The following PARD3 variants were observed in gnomAD, a reference collection of about 807,000 sequenced individuals.
The protein encoded by PARD3 is partitioning defective 3 homolog.
Under a neutral mutation model 155.4 loss-of-function variants are expected in PARD3, and 75 were observed. That is an observed-to-expected ratio of 0.48 (90% CI 0.40 to 0.58). The LOEUF is 0.58. PARD3 is among the 20% of genes least tolerant of loss of function. The pLI is 0.00. For missense variants in PARD3, 1,642 were observed against 1,721.7 expected, an observed-to-expected ratio of 0.95 and a Z score of 0.82; for synonymous variants, 576 against 610.5, an observed-to-expected ratio of 0.94 and a Z score of 0.83.
chr10:34,370,197 GA>G (rs1840438063), intron 12 of PARD3, among the ~76,000 whole-genome samples: 1 of 151,854 alleles, frequency 6.6e-6, no homozygotes, highest in East Asian at 1.9e-4. Context: ...ACTCGTATTA[GA>G]AAAAAAAGTC....
intron 22 of PARD3, among the ~76,000 whole-genome samples, chr10:34,257,379 G>C (rs1010884030): frequency 1.4e-4 from 21 of 152,338 alleles, no homozygotes; most frequent in African/African-American, 4.8e-4. Context: ...CCATGGGTTT[G>C]TACTGTCTAA....
intron 7 of PARD3, among the ~76,000 whole-genome samples, chr10:34,395,692 C>T (rs1483953269): frequency 2.6e-5 from 2 of 78,322 alleles, no homozygotes; most frequent in Non-Finnish European, 4.3e-5. Context: ...AAAAAATTAG[C>T]CGGGCGCGGT....
At chr10:34,423,634 CTGT>C (rs2132447586) in intron 5 of PARD3, among the ~76,000 whole-genome samples, 1 of 152,154 alleles carries the variant, frequency 6.6e-6, no homozygotes, top group South Asian at 2.1e-4. Context: ...CTTGTAATTA[CTGT>C]TATTAACCAA....
At chr10:34,592,880 A>G (rs988529381) in intron 2 of PARD3, among the ~76,000 whole-genome samples, 1 of 152,240 alleles carries the variant, frequency 6.6e-6, no homozygotes, top group Non-Finnish European at 1.5e-5. Flanking sequence ...AGTCCATTCA[A>G]CTAGACCTCC....
intron 5 of PARD3, among the ~76,000 whole-genome samples, chr10:34,425,541 G>A (rs556880320): frequency 6.6e-6 from 1 of 152,112 alleles, no homozygotes; most frequent in Non-Finnish European, 1.5e-5. Context: ...GACTACAGGT[G>A]TGCACCACTA....
At chr10:34,591,954 A>T (rs992549357) in intron 2 of PARD3, among the ~76,000 whole-genome samples, 1 of 152,182 alleles carries the variant, frequency 6.6e-6, no homozygotes, top group African/African-American at 2.4e-5. Context: ...GCAGAAAGCC[A>T]CAAGGGAGAT....
intron 2 of PARD3, among the ~76,000 whole-genome samples, chr10:34,609,721 G>C (rs1054914394): frequency 6.6e-6 from 1 of 151,936 alleles, no homozygotes; most frequent in African/African-American, 2.4e-5. Context: ...CTTTTGTTTT[G>C]TCGAGACAAA....
chr10:34,606,732 G>C (rs949248586), intron 2 of PARD3, among the ~76,000 whole-genome samples: 4 of 151,234 alleles, frequency 2.6e-5, no homozygotes, highest in African/African-American at 4.9e-5. Flanking sequence ...CACTTTGGGA[G>C]GCCAAGGCGG....
chr10:34,451,841 C>G (rs1589626640), intron 4 of PARD3, among the ~76,000 whole-genome samples: 1 of 148,226 alleles, frequency 6.7e-6, no homozygotes, highest in Non-Finnish European at 1.5e-5. Flanking sequence ...AGGAAGCAAA[C>G]TAGAAACTAA....
At chr10:34,791,648 T>C (rs901325864) in intron 1 of PARD3, among the ~76,000 whole-genome samples, 1 of 152,018 alleles carries the variant, frequency 6.6e-6, no homozygotes, top group African/African-American at 2.4e-5. Context: ...GGCCCAGCTG[T>C]GACAATCGCC....
chr10:34,225,097 A>G (rs1208660404), intron 22 of PARD3, among the ~76,000 whole-genome samples: 1 of 152,210 alleles, frequency 6.6e-6, no homozygotes, highest in Non-Finnish European at 1.5e-5. Flanking sequence ...AGGTCCTACT[A>G]TGTTTCAGCC....
At chr10:34,241,786 G>C (rs1953614008) in intron 22 of PARD3, among the ~76,000 whole-genome samples, 1 of 152,130 alleles carries the variant, frequency 6.6e-6, no homozygotes, top group Non-Finnish European at 1.5e-5. Flanking sequence ...CAGAAGAAAT[G>C]GACCCAGAAG....
At chr10:34,182,380 G>A (rs982066741) in intron 22 of PARD3, among the ~76,000 whole-genome samples, 3 of 152,140 alleles carry the variant, frequency 2.0e-5, no homozygotes, top group Non-Finnish European at 4.4e-5. Context: ...AACAAAAAAA[G>A]ATCCACTTCA....
At chr10:34,215,487 G>T (rs572811083) in intron 22 of PARD3, among the ~76,000 whole-genome samples, 1 of 152,156 alleles carries the variant, frequency 6.6e-6, no homozygotes, top group African/African-American at 2.4e-5. Flanking sequence ...TCACAAGAAA[G>T]CGTGGAATTT....
At chr10:34,466,641 C>T (rs1422498158) in intron 4 of PARD3, among the ~76,000 whole-genome samples, 1 of 152,032 alleles carries the variant, frequency 6.6e-6, no homozygotes, top group Non-Finnish European at 1.5e-5. Flanking sequence ...ATACAGAAAA[C>T]CTGAACCACT....
At chr10:34,454,208 C>T (rs1395385469) in intron 4 of PARD3, among the ~76,000 whole-genome samples, 6 of 152,114 alleles carry the variant, frequency 3.9e-5, no homozygotes, top group Non-Finnish European at 7.4e-5. Context: ...AGTCTGGCCA[C>T]AAATCTAGTT....
intron 1 of PARD3, among the ~76,000 whole-genome samples, chr10:34,784,518 C>T (rs890098725): frequency 6.6e-6 from 1 of 151,954 alleles, no homozygotes; most frequent in African/African-American, 2.4e-5. Flanking sequence ...TGGCTCACTG[C>T]AACCTCTGCC....
At chr10:34,392,485 A>G (rs1201390143) in intron 7 of PARD3, among the ~76,000 whole-genome samples, 1 of 152,220 alleles carries the variant, frequency 6.6e-6, no homozygotes, top group African/African-American at 2.4e-5. Context: ...TAAATAAGAT[A>G]TCTGCCAACA....
At chr10:34,339,761 A>G (rs1836601881) in intron 16 of PARD3, among the ~76,000 whole-genome samples, 1 of 152,330 alleles carries the variant, frequency 6.6e-6, no homozygotes, top group East Asian at 1.9e-4. Flanking sequence ...CATTAGTAAG[A>G]GTCTTAAATA....
Sources: allele counts gnomAD v4.1 joint callset (sites outside exome capture counted in the v4.1 genomes callset), GRCh38; gene constraint gnomAD v4.1.1; transcripts MANE v1.5; gene names NCBI Gene and HGNC (gene_info 2026-07-23, HGNC 2026-07-21).